Variants in STK4 observed in about 807,000 individuals in gnomAD.
STK4 encodes serine/threonine kinase 4, also known as serine/threonine-protein kinase 4.
Under a neutral mutation model 64.9 loss-of-function variants are expected in STK4, and 30 were observed. The observed-to-expected ratio is 0.46, with a 90% CI of 0.35 to 0.63. The LOEUF (loss-of-function observed/expected upper bound fraction) is 0.63. Ranked by LOEUF, STK4 falls within the 20% of genes least tolerant of loss-of-function variation. STK4 has a pLI of 0.01. For missense variants in STK4, 466 were observed against 598.5 expected (o/e 0.78, Z 2.31); for synonymous variants, 177 against 199.0 (o/e 0.89, Z 0.93).
At chr20:44,971,308 T>C (rs1352658200) in intron 1 of STK4, among the ~76,000 whole-genome samples, 11 of 152,320 alleles carry the variant, frequency 7.2e-5, no homozygotes, top group African/African-American at 2.4e-5. Context: ...GTCAAAGGTA[T>C]GTATCTACTC....
intron 10 of STK4, 129 bp from the exon 11 acceptor site, chr20:45,074,889 C>T (rs1980390879): frequency 3.7e-6 from 4 of 1,086,408 alleles, no homozygotes; most frequent in East Asian, 2.4e-5. Context: ...CACCACTCAA[C>T]CTGTGATCTG....
At position 45,045,562 on chromosome 20, in the gene STK4, T is replaced by C. The variant is rs76014252; in HGVS notation, c.1305+20432T>C. Among the ~76,000 whole-genome samples, 459 of 152,350 alleles carry C rather than the reference T, an allele frequency of 3.0e-3. 2 individuals carry two copies. The highest frequency in any genetic ancestry group is 0.011 in the African/African-American group (437 of 41,580). ...CCAGGAAGAATGATTTCAGGTTTATTGCATCTTCCTGGGAATTTCGTGACA... is the reference window on the plus strand; with the variant it reads ...CCAGGAAGAATGATTTCAGGTTTATCGCATCTTCCTGGGAATTTCGTGACA... On this transcript the variant is annotated intron_variant, in intron 10 of 10. Coordinates refer to ENST00000372806, the MANE Select transcript of STK4 (RefSeq NM_006282.5).
intron 6 of STK4, 89 bp downstream of exon 6, chr20:44,995,346 G>T: frequency 6.9e-7 from 1 of 1,453,726 alleles, no homozygotes; most frequent in Non-Finnish European, 9.2e-7. Flanking sequence ...TGGCTCACAC[G>T]TGTAATCCCA....
rs116328391 is a variant in STK4, at chr20:44,973,612, C to G, written c.116+1454C>G. Among the ~76,000 whole-genome samples, 692 of 152,342 alleles carry G rather than the reference C, an allele frequency of 4.5e-3. 6 individuals carry two copies. The highest frequency in any genetic ancestry group is 0.016 in the African/African-American group (678 of 41,558). On this transcript the variant is annotated intron_variant, in intron 2 of 10. Transcript: ENST00000372806. ...ATAATTGACTATGTAACTTATTTCT[C>G]TCATTTCTAATACAGTTTGCTCTTA...
intron 9 of STK4, among the ~76,000 whole-genome samples, chr20:45,008,081 G>A (rs1265327776): frequency 6.6e-6 from 1 of 152,168 alleles, no homozygotes; most frequent in Non-Finnish European, 1.5e-5. Context: ...TTTTAACGGA[G>A]TCTTGCTCTG....
chr20:45,012,267 C>G (rs1019134643), intron 9 of STK4, among the ~76,000 whole-genome samples: 1 of 152,112 alleles, frequency 6.6e-6, no homozygotes, highest in African/African-American at 2.4e-5. Context: ...ATCTCCTGAC[C>G]TCGTGATCCG....
At chr20:44,969,259 T>A (rs1288850017) in intron 1 of STK4, among the ~76,000 whole-genome samples, 1 of 152,230 alleles carries the variant, frequency 6.6e-6, no homozygotes, top group Non-Finnish European at 1.5e-5. Context: ...CCATTTATCA[T>A]GTATAGTTGT....
At chr20:44,993,570 T>C (rs2145680309) in intron 5 of STK4, among the ~76,000 whole-genome samples, 1 of 152,376 alleles carries the variant, frequency 6.6e-6, no homozygotes, top group Non-Finnish European at 1.5e-5. Context: ...ACAATGAGAT[T>C]GATTTAAATG....
chr20:44,985,011 A>G lies in STK4; in HGVS notation c.361-2121A>G, dbSNP rs190900105. Among the ~76,000 whole-genome samples, 59 of 152,282 alleles carry G rather than the reference A, an allele frequency of 3.9e-4. No individual in the cohort carries two copies. In the Middle Eastern group the frequency reaches 0.01, roughly 26 times the overall value. Reference sequence around the variant, plus strand: ...TATTTGTGGTTCCCATTATATTTCTATTAGGCAGTGCTACTTCAACTGATT... The same window carrying G: ...TATTTGTGGTTCCCATTATATTTCTGTTAGGCAGTGCTACTTCAACTGATT... On this transcript the variant is annotated intron_variant, in intron 4 of 10. Coordinates refer to ENST00000372806, the MANE Select transcript of STK4 (RefSeq NM_006282.5).
chr20:45,031,459 C>T (rs2068441330), intron 10 of STK4, among the ~76,000 whole-genome samples: 1 of 152,042 alleles, frequency 6.6e-6, no homozygotes, highest in South Asian at 2.1e-4. Context: ...GAGAAAGAGT[C>T]TGGATAAAAA....
intron 10 of STK4, among the ~76,000 whole-genome samples, chr20:45,067,832 A>G (rs1186918616): frequency 6.6e-6 from 1 of 152,162 alleles, no homozygotes; most frequent in Non-Finnish European, 1.5e-5. Flanking sequence ...GGGAATCAGG[A>G]CTTTGCAGTG....
At chr20:44,979,295 T>TA (rs1568684623) in intron 3 of STK4, among the ~76,000 whole-genome samples, 1 of 152,072 alleles carries the variant, frequency 6.6e-6, no homozygotes, top group African/African-American at 2.4e-5. Flanking sequence ...GGTAAATCTA[T>TA]AAAAAAAGAG....
At chr20:45,013,976 T>C (rs2068096790) in intron 9 of STK4, among the ~76,000 whole-genome samples, 1 of 152,144 alleles carries the variant, frequency 6.6e-6, no homozygotes, top group Admixed American at 6.5e-5. Flanking sequence ...ATTTTCTCTT[T>C]TATATTAAAT....
chr20:44,991,495 T>A (rs1281001921), intron 5 of STK4, among the ~76,000 whole-genome samples: 1 of 152,244 alleles, frequency 6.6e-6, no homozygotes, highest in Non-Finnish European at 1.5e-5. Context: ...TATATAAATG[T>A]GCTCTTTTCC....
At position 44,997,184 on chromosome 20, in the gene STK4, C is replaced by A; in HGVS notation, c.709C>A (p.Pro237Thr). 6.2e-7 allele frequency: 1 copy of A among 1,613,830 alleles called. No individual in the cohort carries two copies. Among genetic ancestry groups the A allele is most frequent in the Non-Finnish European group, 8.5e-7 (1 of 1,179,832 alleles). The change falls in exon 7 of 11, where the codon CCT becomes ACT. Residue 237 changes from proline to threonine, a missense_variant. Pro to Thr is a conservative substitution (Grantham distance 38). Transcript: ENST00000372806. Reference protein sequence around the residue: ...IHPMRAIFMIPTNPPPTFRKP... With the variant: ...IHPMRAIFMITTNPPPTFRKP... ...TTCTAACCAGGCAATCTTCATGATT[C>A]CTACAAATCCTCCTCCCACATTCCG...
chr20:45,030,492 G>C (rs745512817), intron 10 of STK4, among the ~76,000 whole-genome samples: 6 of 152,174 alleles, frequency 3.9e-5, no homozygotes, highest in Non-Finnish European at 8.8e-5. Flanking sequence ...CCTATGAAGA[G>C]AATTGCTGCT....
At chr20:45,058,092 T>TA (rs1978657376) in intron 10 of STK4, among the ~76,000 whole-genome samples, 2 of 148,846 alleles carry the variant, frequency 1.3e-5, no homozygotes, top group African/African-American at 5.1e-5. Context: ...CACACACCCC[T>TA]ACCCCTATCT....
chr20:45,076,373 G>A lies in STK4; in HGVS notation c.*1197G>A, dbSNP rs35255459. 568 of 152,464 alleles carry A rather than the reference G, an allele frequency of 3.7e-3. 4 individuals carry two copies. Among genetic ancestry groups the A allele is most frequent in the Non-Finnish European group, 5.0e-3 (342 of 68,152 alleles). The allele number at this position is 152,464 out of a possible 1,614,324, so 9.4% of individuals were successfully genotyped here. A position where few individuals can be genotyped will look rare whatever the true frequency, so the allele number is the denominator to read the frequency against. On this transcript the variant is annotated 3_prime_UTR_variant, in exon 11 of 11. Transcript: ENST00000372806. This position sits in a 1 kb window ranked among gnomAD's most constrained non-coding sequence, Gnocchi z 4.0. ...GGCCAAAATCACAAAGCAAGTTAGCGTTAAGAGCTGAGACTAGAATTCAGG... is the reference window on the plus strand; with the variant it reads ...GGCCAAAATCACAAAGCAAGTTAGCATTAAGAGCTGAGACTAGAATTCAGG...
chr20:44,974,805 T>G (rs943437762), intron 2 of STK4: 4 of 152,122 alleles, frequency 2.6e-5, no homozygotes, highest in Admixed American at 6.6e-5. Context: ...GATGAATGGT[T>G]TGTGAACTCT....
Sources: gnomAD v4.1 joint callset for allele counts (sites outside exome capture counted in the v4.1 genomes callset) on GRCh38, gnomAD v4.1.1 for gene constraint, Gnocchi (gnomAD v3.1) non-coding constraint, MANE v1.5 for transcripts, NCBI Gene and HGNC (gene_info 2026-07-23, HGNC 2026-07-21) for gene names.